The following NEMF variants were observed in gnomAD, a reference collection of about 807,000 sequenced individuals.
The protein encoded by NEMF is ribosome quality control complex subunit NEMF.
Under a neutral mutation model 162.2 loss-of-function variants are expected in NEMF, and 89 were observed. That is an observed-to-expected ratio of 0.55 (90% CI 0.46 to 0.65). The LOEUF is 0.65. Among genes scored for constraint, NEMF ranks in the 30% least tolerant of loss-of-function variants. The pLI, the probability that NEMF is intolerant of heterozygous loss-of-function variation, is 0.00. For missense variants in NEMF, 1,133 were observed against 1,261.9 expected (o/e 0.90, Z 1.55); for synonymous variants, 421 against 404.5 (o/e 1.04, Z -0.49).
chr14:49,787,721 ATAAT>A (rs1890243364), intron 28 of NEMF, among the ~76,000 whole-genome samples: 1 of 152,322 alleles, frequency 6.6e-6, no homozygotes, highest in African/African-American at 2.4e-5. Flanking sequence ...AAGAACATTA[ATAAT>A]TAACACCTCT....
chr14:49,846,618 C>T (rs1893515481), intron 3 of NEMF, among the ~76,000 whole-genome samples: 2 of 152,190 alleles, frequency 1.3e-5, no homozygotes, highest in South Asian at 4.1e-4. Context: ...GCACATGCCA[C>T]TATCCCCAGC....
In NEMF at chr14:49,814,786, T is replaced by C; in HGVS notation, c.1649A>G (p.Asn550Ser). The C allele has an allele frequency of 6.3e-7, 1 of 1,593,138 alleles. No homozygotes were observed. The highest frequency in any genetic ancestry group is 8.5e-7 in the Non-Finnish European group (1 of 1,173,064). Residue 550 changes from asparagine to serine, a missense_variant, in exon 17 of 33, where the codon AAT (asparagine) becomes AGT (serine). Physicochemically the swap from Asn to Ser is conservative, Grantham distance 46. Around this residue, in one of 3 missense-constraint regions of NEMF, gnomAD observed 19 missense variants for 51.8 expected, o/e 0.37. Coordinates refer to ENST00000298310, the MANE Select transcript of NEMF (RefSeq NM_004713.6). ...CAAGTATCTTTTCACAATTATTTCA[T>C]TCTGTTGCTGATCTCGTCCACCTAT... Reference protein sequence around the residue: ...LIIGGRDQQQNEIIVKRYLTP... With the variant: ...LIIGGRDQQQSEIIVKRYLTP...
intron 28 of NEMF, among the ~76,000 whole-genome samples, chr14:49,788,204 G>A (rs746914741): frequency 2.6e-5 from 4 of 151,402 alleles, no homozygotes; most frequent in South Asian, 2.1e-4. Flanking sequence ...GCTTGAATCC[G>A]GGAGGTGGAG....
At chr14:49,790,284 CAAT>C (rs1342077378) in intron 26 of NEMF, among the ~76,000 whole-genome samples, 3 of 152,138 alleles carry the variant, frequency 2.0e-5, no homozygotes, top group East Asian at 3.8e-4. Flanking sequence ...AAAACGCTTG[CAAT>C]ACATATATCC....
At position 49,783,673 on chromosome 14, in the gene NEMF, G is replaced by A. The variant is rs555378697; in HGVS notation, c.*963C>T. ...CTAAAATGCGCTTCTGGTATTATAG[G>A]TTAAGATACTCTAACGTGCTATATT... is the stretch of plus-strand genomic sequence containing the variant. On this transcript the variant is annotated 3_prime_UTR_variant, in exon 33 of 33. Transcript: ENST00000298310. 6.6e-6 allele frequency: 1 copy of A among 151,788 alleles called. No homozygotes were observed. Among genetic ancestry groups the A allele is most frequent in the Non-Finnish European group, 1.5e-5 (1 of 67,870 alleles). 9.4% of individuals were successfully genotyped at this position (151,788 alleles called of 1,614,324 possible).
At chr14:49,813,511 A>T (rs781414363) in intron 18 of NEMF, among the ~76,000 whole-genome samples, 4 of 152,156 alleles carry the variant, frequency 2.6e-5, no homozygotes, top group Non-Finnish European at 5.9e-5. Flanking sequence ...AAAGTCCTCA[A>T]CTATTATTGT....
intron 16 of NEMF, chr14:49,820,602 T>C (rs368175979): frequency 7.2e-6 from 3 of 416,242 alleles, no homozygotes. Flanking sequence ...AATCCATCTC[T>C]ACAAAAAGTA....
chr14:49,785,876 A>G (rs1051642388), intron 29 of NEMF: 3 of 130,986 alleles, frequency 2.3e-5, no homozygotes, highest in African/African-American at 8.8e-5. Flanking sequence ...CCTGGGTGAC[A>G]GAGACCCTGT....
intron 4 of NEMF, among the ~76,000 whole-genome samples, chr14:49,845,340 C>T (rs1052049991): frequency 1.3e-4 from 20 of 152,174 alleles, no homozygotes; most frequent in African/African-American, 4.6e-4. Context: ...GTGATCTGAC[C>T]CCAGGTGATC....
At chr14:49,841,578 GAAAAAAA>G (rs535773426) in intron 4 of NEMF, among the ~76,000 whole-genome samples, 80 of 73,314 alleles carry the variant, frequency 1.1e-3, no homozygotes, top group African/African-American at 3.0e-3. Context: ...CTCGTCTTAA[GAAAAAAA>G]AAAAAAAAAA....
intron 18 of NEMF, among the ~76,000 whole-genome samples, chr14:49,810,098 G>A (rs1273725010): frequency 1.3e-5 from 2 of 152,108 alleles, no homozygotes; most frequent in African/African-American, 4.8e-5. Context: ...GCCGGGTGCG[G>A]TGGCTCGTGC....
intron 4 of NEMF, among the ~76,000 whole-genome samples, chr14:49,842,483 C>A (rs1329284903): frequency 6.6e-6 from 1 of 152,164 alleles, no homozygotes; most frequent in Non-Finnish European, 1.5e-5. Context: ...AAATTTATTA[C>A]TGACAGTGAA....
chr14:49,810,930 G>A (rs1891448054), intron 18 of NEMF, among the ~76,000 whole-genome samples: 1 of 152,188 alleles, frequency 6.6e-6, no homozygotes, highest in African/African-American at 2.4e-5. Flanking sequence ...GTTCAAGGCT[G>A]CAGTGAGCCA....
rs1325339560 is a variant in NEMF, at chr14:49,789,358, G to A, written c.2698-15C>T. ...GAACCTGCAGACTTTAATTCATAGA[G>A]GAAACATCAGTCAGTGTTGTATTTT... On this transcript the variant is annotated splice_polypyrimidine_tract_variant and intron_variant, in intron 27 of 32. Coordinates refer to ENST00000298310, the MANE Select transcript of NEMF (RefSeq NM_004713.6). 1.1e-5 allele frequency: 18 copies of A among 1,613,404 alleles called. No homozygotes were observed. The highest frequency in any genetic ancestry group is 1.5e-5 in the Non-Finnish European group (18 of 1,179,520).
At chr14:49,846,774 A>C (rs1438346774) in intron 3 of NEMF, among the ~76,000 whole-genome samples, 2 of 151,718 alleles carry the variant, frequency 1.3e-5, no homozygotes, top group Non-Finnish European at 2.9e-5. Flanking sequence ...TTTTATTTTC[A>C]ATTTTTAAGT....
rs1468073792 is a variant in NEMF at position 49,802,772 on chromosome 14, C to T, written c.1916-45G>A. 3 of 1,487,536 alleles carry T rather than the reference C, an allele frequency of 2.0e-6. No individual in the cohort carries two copies. The South Asian group carries it at 3.6e-5, about 18-fold the overall frequency. 92.1% of individuals were successfully genotyped at this position (1,487,536 alleles called of 1,614,324 possible). The stretch of plus-strand genomic sequence containing the variant: ...TTAATGCTTTGAAAATCAGTCTTCT[C>T]CATTTTTTGCTTGTAAAACAAAAAA... On this transcript the variant is annotated intron_variant, in intron 20 of 32. Transcript: ENST00000298310.
At chr14:49,802,873 T>C in intron 20 of NEMF, 146 bp from the exon 21 acceptor site, 2 of 652,170 alleles carry the variant, frequency 3.1e-6, no homozygotes, top group Non-Finnish European at 5.4e-6. Flanking sequence ...TTCCCATTTA[T>C]AGAACTGGGC....
chr14:49,789,539 T>G lies in NEMF; in HGVS notation c.2654A>C (p.Asp885Ala). The change falls in exon 27 of 33, where the codon GAC becomes GCC. Residue 885 changes from aspartate (D) to alanine (A), a missense_variant. Around this residue, in one of 3 missense-constraint regions of NEMF, gnomAD observed 532 missense variants for 578.6 expected, o/e 0.92. Transcript: ENST00000298310. ...KMKKMKEKYK[D>A]QDEEDRELIM... ...AAGTTCACGGTCTTCTTCATCCTGG[T>G]CTTTGTATTTTTCTTTCATTTTTTT... 1 of 1,611,862 alleles carries G rather than the reference T, an allele frequency of 6.2e-7. No individual in the cohort carries two copies. Among genetic ancestry groups the G allele is most frequent in the Non-Finnish European group, 8.5e-7 (1 of 1,179,542 alleles).
chr14:49,789,514 A>G lies in NEMF; in HGVS notation c.2679T>C (p.Leu893=), dbSNP rs1252007668. ...YKDQDEEDRE[L]IMKLLGSAGS... Reference sequence around the variant, plus strand: ...TATTTACCCCCAGCAACTTCATGATAAGTTCACGGTCTTCTTCATCCTGGT... The same window carrying G: ...TATTTACCCCCAGCAACTTCATGATGAGTTCACGGTCTTCTTCATCCTGGT... The change falls in exon 27 of 33, where the codon CTT becomes CTC. Residue 893 remains leucine, a synonymous_variant. Coordinates refer to ENST00000298310, the MANE Select transcript of NEMF (RefSeq NM_004713.6). The G allele has an allele frequency of 6.2e-7, 1 of 1,612,146 alleles. No individual in the cohort carries two copies. Among genetic ancestry groups the G allele is most frequent in the Non-Finnish European group, 8.5e-7 (1 of 1,179,626 alleles).
Sources: gnomAD v4.1 joint callset for allele counts (sites outside exome capture counted in the v4.1 genomes callset) on GRCh38, gnomAD v4.1.1 for gene constraint, gnomAD v4.1.1 regional missense constraint, MANE v1.5 for transcripts, NCBI Gene and HGNC (gene_info 2026-07-23, HGNC 2026-07-21) for gene names.